The following PDE1C variants were observed in gnomAD, a reference collection of about 807,000 sequenced individuals.
PDE1C encodes the protein phosphodiesterase 1C.
A neutral mutation model predicts 93.1 loss-of-function variants in PDE1C; 62 were observed. That is an observed-to-expected ratio of 0.67 (90% CI 0.54 to 0.82). The LOEUF (loss-of-function observed/expected upper bound fraction) is 0.82. PDE1C is among the 40% of genes least tolerant of loss of function. The pLI is 0.00. For missense variants in PDE1C, 742 were observed against 884.6 expected, an observed-to-expected ratio of 0.84 and a Z score of 2.04; for synonymous variants, 325 against 310.1, an observed-to-expected ratio of 1.05 and a Z score of -0.50.
intron 1 of PDE1C, among the ~76,000 whole-genome samples, chr7:32,264,611 T>C (rs2128882207): frequency 6.6e-6 from 1 of 152,350 alleles, no homozygotes; most frequent in South Asian, 2.1e-4. Context: ...GAATACTCTG[T>C]GCCATCCAGA....
chr7:32,305,698 C>T (rs867241238), intron 1 of PDE1C, among the ~76,000 whole-genome samples: 2 of 152,198 alleles, frequency 1.3e-5, no homozygotes, highest in African/African-American at 2.4e-5. Context: ...TCATCTGACT[C>T]GTTAGAGTTT....
chr7:32,286,800 G>C (rs897799112), intron 1 of PDE1C, among the ~76,000 whole-genome samples: 2 of 152,166 alleles, frequency 1.3e-5, no homozygotes, highest in Admixed American at 1.3e-4. Flanking sequence ...TATTAACAGA[G>C]GTCATCTCTG....
rs555743181 is a variant in PDE1C at position 32,317,934 on chromosome 7, G to T, written c.311-108395C>A. On this transcript the variant is annotated intron_variant, in intron 1 of 1. Transcript: ENST00000672256. Reference sequence around the variant, plus strand: ...TATTCATTTTAATGCACTTTCATACGTTATCTCATTTGACATAGTCCGTGG... The same window carrying T: ...TATTCATTTTAATGCACTTTCATACTTTATCTCATTTGACATAGTCCGTGG... Among the ~76,000 whole-genome samples the T allele has an allele frequency of 6.6e-5, 10 of 152,166 alleles. No homozygotes were observed. The East Asian group carries it at 1.7e-3, about 26-fold the overall frequency.
At chr7:32,107,116 A>C (rs1191033683) in intron 3 of PDE1C, among the ~76,000 whole-genome samples, 1 of 150,984 alleles carries the variant, frequency 6.6e-6, no homozygotes, top group East Asian at 1.9e-4. Context: ...AATATATGTC[A>C]GTCACTAGAA....
chr7:31,821,628 G>T (rs1479197955), intron 14 of PDE1C, among the ~76,000 whole-genome samples: 1 of 152,066 alleles, frequency 6.6e-6, no homozygotes, highest in African/African-American at 2.4e-5. Context: ...GAAGGTGTTG[G>T]CTCCCTCCAT....
intron 2 of PDE1C, among the ~76,000 whole-genome samples, chr7:32,034,369 C>G (rs748681130): frequency 1.4e-4 from 21 of 152,050 alleles, no homozygotes; most frequent in Non-Finnish European, 2.8e-4. Flanking sequence ...TCCCATAAAT[C>G]TCACAAGAAT....
At chr7:31,987,820 C>T (rs1255815959) in intron 2 of PDE1C, among the ~76,000 whole-genome samples, 1 of 152,154 alleles carries the variant, frequency 6.6e-6, no homozygotes, top group Non-Finnish European at 1.5e-5. Context: ...GTGCGGAAAA[C>T]TGTAATGAAC....
At chr7:31,670,039 T>G in the PDE1C span, among the ~76,000 whole-genome samples, 1 of 152,176 alleles carries the variant, frequency 6.6e-6, no homozygotes, top group South Asian at 2.1e-4. Context: ...TCTCTCCAGA[T>G]GCCCCAGATA....
intron 2 of PDE1C, among the ~76,000 whole-genome samples, chr7:32,000,056 C>A (rs539682338): frequency 6.6e-6 from 1 of 152,136 alleles, no homozygotes; most frequent in Non-Finnish European, 1.5e-5. Context: ...CCCATGTTCT[C>A]ATCTGTGAAA....
the PDE1C span, among the ~76,000 whole-genome samples, chr7:31,628,471 CT>C: frequency 1.6e-5 from 2 of 126,428 alleles, no homozygotes; most frequent in South Asian, 4.9e-4. Flanking sequence ...CTTTTTTTTT[CT>C]TTTTTTGAGG....
chr7:32,203,289 T>C (rs1805164091), intron 2 of PDE1C, among the ~76,000 whole-genome samples: 1 of 152,120 alleles, frequency 6.6e-6, no homozygotes, highest in South Asian at 2.1e-4. Flanking sequence ...CCAACCCTCC[T>C]AGCCATAACA....
chr7:32,071,449 T>G, upstream of PDE1C: 1 of 983,832 alleles, frequency 1.0e-6, no homozygotes, highest in South Asian at 4.7e-5. Flanking sequence ...AGGGGCTCTC[T>G]CGCTCGCGCT....
intron 2 of PDE1C, among the ~76,000 whole-genome samples, chr7:31,961,271 C>G: frequency 6.6e-6 from 1 of 151,506 alleles, no homozygotes; most frequent in Non-Finnish European, 1.5e-5. Context: ...TACACACACA[C>G]AGGCTATTAT....
intron 3 of PDE1C, among the ~76,000 whole-genome samples, chr7:32,077,696 G>C (rs1020518205): frequency 3.9e-5 from 6 of 151,938 alleles, no homozygotes; most frequent in African/African-American, 1.5e-4. Flanking sequence ...TCAGCCTCCT[G>C]AGTAGCTGGG....
intron 1 of PDE1C, among the ~76,000 whole-genome samples, chr7:32,338,542 G>A (rs986304264): frequency 7.2e-5 from 11 of 152,074 alleles, no homozygotes; most frequent in African/African-American, 2.7e-4. Flanking sequence ...TTGGTAGGAA[G>A]GTAAAATGGT....
upstream of PDE1C, among the ~76,000 whole-genome samples, chr7:32,071,656 A>G (rs1184485357): frequency 6.6e-6 from 1 of 152,216 alleles, no homozygotes; most frequent in Admixed American, 6.5e-5. Flanking sequence ...TTTCAGCTCC[A>G]CAAAGCTGCA....
chr7:32,323,293 T>C (rs1253271108), intron 1 of PDE1C, among the ~76,000 whole-genome samples: 1 of 152,166 alleles, frequency 6.6e-6, no homozygotes, highest in Non-Finnish European at 1.5e-5. Context: ...GTGTTAATAC[T>C]CCCACGATGG....
chr7:31,690,475 T>C, the PDE1C span, among the ~76,000 whole-genome samples: 2 of 152,246 alleles, frequency 1.3e-5, no homozygotes, highest in African/African-American at 4.8e-5. Context: ...AATTTTATTG[T>C]AGCAGACTTA....
At chr7:32,261,993 G>C (rs1023845438) in intron 1 of PDE1C, among the ~76,000 whole-genome samples, 1 of 145,614 alleles carries the variant, frequency 6.9e-6, no homozygotes, top group Non-Finnish European at 1.5e-5. Flanking sequence ...TCACACCAGG[G>C]GTTGCTTTGG....
Sources: gnomAD v4.1 joint callset for allele counts (sites outside exome capture counted in the v4.1 genomes callset) on GRCh38, gnomAD v4.1.1 for gene constraint, MANE v1.5 for transcripts, NCBI Gene and HGNC (gene_info 2026-07-23, HGNC 2026-07-21) for gene names.